The following AFF1 variants were observed in gnomAD, a reference collection of about 807,000 sequenced individuals.
AFF1 encodes the protein AF4/FMR2 family member 1.
Under a neutral mutation model 121.7 loss-of-function variants are expected in AFF1, and 48 were observed. That is an observed-to-expected ratio of 0.39 (90% confidence interval 0.31 to 0.50). The LOEUF (loss-of-function observed/expected upper bound fraction) is 0.50. Ranked by LOEUF, AFF1 falls within the 20% of genes least tolerant of loss-of-function variation. AFF1 has a pLI of 0.76. For synonymous variants in AFF1, 613 were observed against 563.0 expected (o/e 1.09, Z -1.26); for missense variants, 1,523 against 1,511.7 (o/e 1.01, Z -0.12).
At position 87,136,507 on chromosome 4, in the gene AFF1, G is replaced by A; in HGVS notation, c.*806G>A. The A allele has an allele frequency of 4.3e-6, 1 of 232,550 alleles. No individual in the cohort carries two copies. The highest frequency in any genetic ancestry group is 8.5e-6 in the Non-Finnish European group (1 of 117,682). The allele number at this position is 232,550 out of a possible 1,614,324, so 14.4% of individuals were successfully genotyped here. ...CTTGGCGCTGCCATTTCCTACCCCT[G>A]CCATTTCCCACCCCTGCTTCAGCGA... On this transcript the variant is annotated 3_prime_UTR_variant, in exon 21 of 21. Transcript: ENST00000395146.
intron 2 of AFF1, among the ~76,000 whole-genome samples, chr4:86,952,428 G>A (rs1190378734): frequency 6.6e-6 from 1 of 152,162 alleles, no homozygotes; most frequent in Non-Finnish European, 1.5e-5. Flanking sequence ...GTTGGTTCCT[G>A]TGTTATTTCT....
chr4:87,034,194 G>A (rs755520425), intron 2 of AFF1, among the ~76,000 whole-genome samples: 2 of 152,204 alleles, frequency 1.3e-5, no homozygotes, highest in African/African-American at 4.8e-5. Flanking sequence ...CATGCAAACG[G>A]GGATTAGCGA....
chr4:86,970,168 G>A (rs1384629263), intron 2 of AFF1, among the ~76,000 whole-genome samples: 2 of 152,086 alleles, frequency 1.3e-5, no homozygotes, highest in East Asian at 3.9e-4. Flanking sequence ...TTCCCATAAT[G>A]TGCATATATC....
rs546148549 is a variant in AFF1, at chr4:86,956,381, A to G, written c.38+7810A>G. ...CCAAAAGGAAAGCTAAATTTTGCAT[A>G]TAAGAAGACACTGCTACATAGTATT... On this transcript the variant is annotated intron_variant, in intron 2 of 20. Coordinates refer to ENST00000395146, the MANE Select transcript of AFF1 (RefSeq NM_001166693.3). 7.8e-4 allele frequency among the ~76,000 whole-genome samples: 119 copies of G among 152,220 alleles called. 1 individual carries two copies. Among genetic ancestry groups the G allele is most frequent in the African/African-American group, 2.6e-3 (109 of 41,462 alleles).
chr4:86,987,840 G>A (rs914173098), intron 2 of AFF1, among the ~76,000 whole-genome samples: 3 of 151,762 alleles, frequency 2.0e-5, no homozygotes, highest in Non-Finnish European at 4.4e-5. Flanking sequence ...GTAGTCCCAG[G>A]TACTCGGGAG....
At chr4:87,097,600 C>G (rs1047275547) in intron 8 of AFF1, among the ~76,000 whole-genome samples, 3 of 152,008 alleles carry the variant, frequency 2.0e-5, no homozygotes, top group African/African-American at 7.3e-5. Flanking sequence ...TTGTGATGAT[C>G]CTAATAGATT....
intron 2 of AFF1, among the ~76,000 whole-genome samples, chr4:87,032,207 A>G (rs1005323860): frequency 5.9e-5 from 9 of 152,210 alleles, no homozygotes; most frequent in African/African-American, 2.2e-4. Context: ...GTTATGATGA[A>G]AATGAGAATA....
chr4:87,114,323 C>T, intron 11 of AFF1, 44 bp from the exon 12 acceptor site: 2 of 1,500,494 alleles, frequency 1.3e-6, no homozygotes, highest in Non-Finnish European at 1.8e-6. Context: ...AATAATTTGT[C>T]ATCAATGGTC....
intron 2 of AFF1, among the ~76,000 whole-genome samples, chr4:87,013,126 C>CTCTGCCTCCTGGGTTCAAGCCAT (rs1410388633): frequency 2.0e-5 from 3 of 146,962 alleles, no homozygotes; most frequent in African/African-American, 7.6e-5. Context: ...TCACAGCAAC[C>CTCTGCCTCCTGGGTTCAAGCCAT]TCTGCCTCCT....
chr4:86,962,860 G>A (rs1193307537), intron 2 of AFF1, among the ~76,000 whole-genome samples: 2 of 152,012 alleles, frequency 1.3e-5, no homozygotes, highest in African/African-American at 2.4e-5. Flanking sequence ...ATATAGTTTA[G>A]GATACACATG....
At chr4:87,058,007 A>G (rs1720327577) in intron 4 of AFF1, among the ~76,000 whole-genome samples, 1 of 152,114 alleles carries the variant, frequency 6.6e-6, no homozygotes, top group African/African-American at 2.4e-5. Flanking sequence ...AGTTCACTTT[A>G]TAAAAATGTA....
At chr4:87,106,547 G>A (rs1349123511) in intron 10 of AFF1, among the ~76,000 whole-genome samples, 1 of 152,102 alleles carries the variant, frequency 6.6e-6, no homozygotes, top group Non-Finnish European at 1.5e-5. Flanking sequence ...CATTATGCCT[G>A]TTTTCTTAGT....
At position 87,046,171 on chromosome 4, in the gene AFF1, A is replaced by T. The variant is rs201212946; in HGVS notation, c.44A>T (p.Tyr15Phe). The T allele has an allele frequency of 1.2e-5, 19 of 1,612,964 alleles. No individual in the cohort carries two copies. The East Asian group carries it at 3.6e-4, about 30-fold the overall frequency. ...TTTTGTGGCATCTGAAACAGTTTGT[A>T]CAATGACGACAGAAACCTGCTTCGA... ...ERVNSSGNSL[Y>F]NDDRNLLRIR... Residue 15 changes from tyrosine to phenylalanine, a missense_variant, in exon 3 of 21, where the codon TAC becomes TTC. Physicochemically the swap from Tyr to Phe is conservative, Grantham distance 22. Transcript: ENST00000395146.
Position 87,091,780 on chromosome 4 carries a change from AT to A in AFF1, c.1192-9del. The A allele has an allele frequency of 6.6e-7, 1 of 1,506,526 alleles. No individual in the cohort carries two copies. Among genetic ancestry groups the A allele is most frequent in the Non-Finnish European group, 9.0e-7 (1 of 1,117,196 alleles). The allele number at this position is 1,506,526 out of a possible 1,614,324, so 93.3% of individuals were successfully genotyped here. ...AATCTTTTAATAATTAGATATTTTT[AT>A]TTTCTTTCTAGGACTCTCAGCATGT... is the stretch of plus-strand genomic sequence containing the variant. On this transcript the variant is annotated splice_polypyrimidine_tract_variant and intron_variant, in intron 6 of 20. Transcript: ENST00000395146.
Position 87,138,695 on chromosome 4 carries a change from G to A in AFF1, c.*2994G>A. On this transcript the variant is annotated 3_prime_UTR_variant, in exon 21 of 21. Coordinates refer to ENST00000395146, the MANE Select transcript of AFF1 (RefSeq NM_001166693.3). ...TGAAAACATTGGCCACCTAGTAGCAGTGGTGAGGAGTGGGAGGGCCCAGCA... is the reference window on the plus strand; with the variant it reads ...TGAAAACATTGGCCACCTAGTAGCAATGGTGAGGAGTGGGAGGGCCCAGCA... The A allele has an allele frequency of 4.3e-6, 1 of 231,574 alleles. No homozygotes were observed. Among genetic ancestry groups the A allele is most frequent in the Non-Finnish European group, 8.5e-6 (1 of 117,014 alleles). 14.3% of individuals were successfully genotyped at this position (231,574 alleles called of 1,614,324 possible). A position where few individuals can be genotyped will look rare whatever the true frequency, so the allele number is the denominator to read the frequency against.
chr4:86,946,939 G>T (rs1720911001), intron 1 of AFF1, among the ~76,000 whole-genome samples: 1 of 152,176 alleles, frequency 6.6e-6, no homozygotes, highest in Non-Finnish European at 1.5e-5. Context: ...GGACTCTTCA[G>T]ATGCCTCTAC....
chr4:86,957,377 C>T (rs951479195), intron 2 of AFF1, among the ~76,000 whole-genome samples: 1 of 152,136 alleles, frequency 6.6e-6, no homozygotes, highest in African/African-American at 2.4e-5. Flanking sequence ...AGCTGGGGAA[C>T]CATTATTTCA....
intron 4 of AFF1, among the ~76,000 whole-genome samples, chr4:87,052,928 G>A (rs1004421134): frequency 6.6e-6 from 1 of 152,024 alleles, no homozygotes; most frequent in African/African-American, 2.4e-5. Context: ...ATGGTGGGAT[G>A]ATACTAGCTA....
chr4:87,018,387 T>G (rs1279889243), intron 2 of AFF1, among the ~76,000 whole-genome samples: 1 of 152,162 alleles, frequency 6.6e-6, no homozygotes, highest in Non-Finnish European at 1.5e-5. Flanking sequence ...GGGTGGGGAA[T>G]TGGTCTTGGT....
Sources: allele counts gnomAD v4.1 joint callset (sites outside exome capture counted in the v4.1 genomes callset), GRCh38; gene constraint gnomAD v4.1.1; transcripts MANE v1.5; gene names NCBI Gene and HGNC (gene_info 2026-07-23, HGNC 2026-07-21).